The following TMTC2 variants were observed in gnomAD, a reference collection of about 807,000 sequenced individuals.
TMTC2 encodes the protein transmembrane O-mannosyltransferase targeting cadherins 2.
Under a neutral mutation model 82.4 loss-of-function variants are expected in TMTC2, and 43 were observed. The observed-to-expected ratio is 0.52, with a 90% CI of 0.41 to 0.67. The LOEUF (loss-of-function observed/expected upper bound fraction) is 0.67, where lower values mean the gene tolerates loss of function less well. TMTC2 is among the 30% of genes least tolerant of loss of function. The probability of loss-of-function intolerance (pLI) is 0.00; values close to 1 mark genes in which losing one functional copy is unlikely to be tolerated. For synonymous variants in TMTC2, 408 were observed against 381.9 expected, an observed-to-expected ratio of 1.07 and a Z score of -0.80; for missense variants, 919 against 1,012.4, an observed-to-expected ratio of 0.91 and a Z score of 1.25.
At chr12:82,704,661 A>AT (rs1032711026) in intron 1 of TMTC2, among the ~76,000 whole-genome samples, 17 of 150,312 alleles carry the variant, frequency 1.1e-4, no homozygotes, top group East Asian at 2.0e-4. Context: ...GTAAAATAGT[A>AT]TTTTTTTTTG....
chr12:82,904,113 G>A (rs961237313), intron 3 of TMTC2, among the ~76,000 whole-genome samples: 2 of 152,114 alleles, frequency 1.3e-5, no homozygotes, highest in African/African-American at 4.8e-5. Flanking sequence ...TAGCAATTAT[G>A]AGACTGTCAG....
chr12:82,896,686 C>T lies in TMTC2; in HGVS notation c.1483+40C>T, dbSNP rs748443613. The T allele has an allele frequency of 4.9e-5, 72 of 1,469,652 alleles. No homozygotes were observed. In the East Asian group the frequency reaches 1.6e-3, roughly 34 times the overall value. 91.0% of individuals were successfully genotyped at this position (1,469,652 alleles called of 1,614,324 possible). A position where few individuals can be genotyped will look rare whatever the true frequency, so the allele number is the denominator to read the frequency against. ...TATGCTTTTGTCTGGATAGTTTACA[C>T]TTTCAGCCTCTTTATATCTTTGCTT... On this transcript the variant is annotated intron_variant, in intron 3 of 11. Coordinates refer to ENST00000321196, the MANE Select transcript of TMTC2 (RefSeq NM_152588.3).
chr12:82,946,193 A>G (rs1321667572), intron 4 of TMTC2, among the ~76,000 whole-genome samples: 1 of 152,196 alleles, frequency 6.6e-6, no homozygotes, highest in Non-Finnish European at 1.5e-5. Flanking sequence ...ATGACAAATA[A>G]TGATATTAAA....
chr12:82,899,113 T>C (rs1873829662), intron 3 of TMTC2, among the ~76,000 whole-genome samples: 2 of 152,176 alleles, frequency 1.3e-5, no homozygotes, highest in African/African-American at 4.8e-5. Context: ...ATCCTAATAC[T>C]TAGGAAGTGC....
intron 8 of TMTC2, among the ~76,000 whole-genome samples, chr12:83,011,028 T>A (rs1880432110): frequency 6.6e-6 from 1 of 152,026 alleles, no homozygotes; most frequent in African/African-American, 2.4e-5. Context: ...AGAGATGGGG[T>A]TTTGCCATGT....
chr12:82,722,236 C>T (rs1874238955), intron 1 of TMTC2, among the ~76,000 whole-genome samples: 1 of 151,846 alleles, frequency 6.6e-6, no homozygotes, highest in African/African-American at 2.4e-5. Flanking sequence ...TTCTTTTCCC[C>T]TAAAATTGTG....
At chr12:83,121,598 G>A (rs1884948887) in intron 11 of TMTC2, among the ~76,000 whole-genome samples, 1 of 152,132 alleles carries the variant, frequency 6.6e-6, no homozygotes, top group Admixed American at 6.5e-5. Flanking sequence ...CTTAGCTTTG[G>A]TGGTTTAATG....
intron 2 of TMTC2, among the ~76,000 whole-genome samples, chr12:82,874,815 G>T (rs1261901501): frequency 1.3e-5 from 2 of 151,966 alleles, no homozygotes; most frequent in Non-Finnish European, 2.9e-5. Context: ...ATCATTTTAT[G>T]CATATAATTA....
intron 11 of TMTC2, among the ~76,000 whole-genome samples, chr12:83,119,367 A>G (rs1309354031): frequency 6.6e-6 from 1 of 152,142 alleles, no homozygotes; most frequent in Non-Finnish European, 1.5e-5. Flanking sequence ...AGTTCGAAGA[A>G]TTTTTAAATT....
intron 8 of TMTC2, among the ~76,000 whole-genome samples, chr12:83,019,131 A>T (rs975593148): frequency 7.0e-6 from 1 of 143,558 alleles, no homozygotes; most frequent in African/African-American, 2.6e-5. Context: ...TTTTGGGGTT[A>T]TTTCCTCTTC....
intron 11 of TMTC2, among the ~76,000 whole-genome samples, chr12:83,119,527 T>G (rs1300004737): frequency 6.6e-6 from 1 of 152,218 alleles, no homozygotes; most frequent in East Asian, 1.9e-4. Context: ...TAATTTCACT[T>G]TTCTTAAATT....
chr12:83,117,671 G>T (rs1230704357), intron 11 of TMTC2, among the ~76,000 whole-genome samples: 3 of 151,992 alleles, frequency 2.0e-5, no homozygotes. Flanking sequence ...TTTTAGATTT[G>T]TTTTTTCTAA....
intron 11 of TMTC2, among the ~76,000 whole-genome samples, chr12:83,125,572 T>A (rs1174260192): frequency 2.0e-5 from 3 of 152,216 alleles, no homozygotes; most frequent in Non-Finnish European, 4.4e-5. Flanking sequence ...TTGTCCAAAA[T>A]GTTTGGGACC....
intron 11 of TMTC2, among the ~76,000 whole-genome samples, chr12:83,065,191 A>C (rs190954904): frequency 7.6e-4 from 116 of 152,088 alleles, no homozygotes; most frequent in African/African-American, 2.7e-3. Context: ...TCTGTAGGAT[A>C]TTCTTTCTTA....
At chr12:82,930,635 GA>G in intron 4 of TMTC2, 90 bp downstream of exon 4, 1 of 718,026 alleles carries the variant, frequency 1.4e-6, no homozygotes, top group Non-Finnish European at 2.3e-6. Flanking sequence ...TGGAGATGAT[GA>G]TAGCTATTGT....
chr12:82,983,993 A>G (rs905318185), intron 7 of TMTC2, among the ~76,000 whole-genome samples: 6 of 152,044 alleles, frequency 3.9e-5, no homozygotes, highest in African/African-American at 1.4e-4. Context: ...TCCATCTGAC[A>G]GCATGTTAGT....
At chr12:82,750,057 A>G (rs576679099) in intron 1 of TMTC2, among the ~76,000 whole-genome samples, 1 of 152,100 alleles carries the variant, frequency 6.6e-6, no homozygotes, top group South Asian at 2.1e-4. Flanking sequence ...TTGTTTTTCA[A>G]TCCTGTTTTG....
chr12:83,055,804 C>T lies in TMTC2; in HGVS notation c.2267+4786C>T, dbSNP rs1882522382. Reference sequence around the variant, plus strand: ...CATTTGTTCAAACATCTTCTGTCTGCCTGGCACTATACTTTGCTTTTATGT... The same window carrying T: ...CATTTGTTCAAACATCTTCTGTCTGTCTGGCACTATACTTTGCTTTTATGT... On this transcript the variant is annotated intron_variant, in intron 10 of 11. Transcript: ENST00000321196. Among the ~76,000 whole-genome samples, 2 of 151,634 alleles carry T rather than the reference C, an allele frequency of 1.3e-5. 1 individual carries two copies. Among genetic ancestry groups the T allele is most frequent in the South Asian group, 4.2e-4 (2 of 4,818 alleles).
At chr12:83,102,458 A>G (rs1884251749) in intron 11 of TMTC2, among the ~76,000 whole-genome samples, 1 of 152,224 alleles carries the variant, frequency 6.6e-6, no homozygotes, top group African/African-American at 2.4e-5. Context: ...TACTATGCTG[A>G]AAACACAGTA....
Sources: gnomAD v4.1 joint callset for allele counts (sites outside exome capture counted in the v4.1 genomes callset) on GRCh38, gnomAD v4.1.1 for gene constraint, MANE v1.5 for transcripts, NCBI Gene and HGNC (gene_info 2026-07-23, HGNC 2026-07-21) for gene names.